CDH19: variants seen among roughly 807,000 people sequenced by gnomAD.
The protein encoded by CDH19 is cadherin-19.
In CDH19, 67 loss-of-function variants were observed where a neutral mutation model predicts 64.2. The observed-to-expected ratio is 1.04, with a 90% confidence interval of 0.86 to 1.28. The LOEUF is 1.28. CDH19 is among the 50% of genes most tolerant of loss of function. CDH19 has a pLI of 0.00. For synonymous variants in CDH19, 346 were observed against 319.3 expected (o/e 1.08, Z -0.89); for missense variants, 1,030 against 929.0 (o/e 1.11, Z -1.41).
intron 4 of CDH19, 67 bp from the exon 5 acceptor site, chr18:66,551,325 T>G: frequency 9.0e-6 from 8 of 887,418 alleles, no homozygotes; most frequent in Non-Finnish European, 1.3e-5. Flanking sequence ...GTTAATTTCT[T>G]AACCATTGCA....
At position 66,566,870 on chromosome 18, in the gene CDH19, A is replaced by G. The variant is rs112966755; in HGVS notation, c.490+1546T>C. On this transcript the variant is annotated intron_variant, in intron 3 of 11. Transcript: ENST00000262150. ...GTTCTCTGCCAAAGGGATCTCATTC[A>G]TTGCCATGCCTGACATACGTGTTAT... Among the ~76,000 whole-genome samples the G allele has an allele frequency of 1.8e-3, 277 of 151,884 alleles. 4 individuals carry two copies. The highest frequency in any genetic ancestry group is 6.4e-3 in the African/African-American group (265 of 41,478).
chr18:66,511,687 TAA>T lies in CDH19; in HGVS notation c.1459-4_1459-3del. 2.2e-6 allele frequency: 3 copies of T among 1,365,804 alleles called. No individual in the cohort carries two copies. Among genetic ancestry groups the T allele is most frequent in the Non-Finnish European group, 3.1e-6 (3 of 971,770 alleles). The allele number at this position is 1,365,804 out of a possible 1,614,324, so 84.6% of individuals were successfully genotyped here. On this transcript the variant is annotated splice_region_variant and splice_polypyrimidine_tract_variant and intron_variant, in intron 9 of 11. Transcript: ENST00000262150. ...CACTGCACTGATAGTCTGAATTACC[TAA>T]AAAAAAAGGGGGATAGATTTTTGTT...
chr18:66,556,328 T>C (rs146977755), intron 3 of CDH19, among the ~76,000 whole-genome samples: 12 of 151,814 alleles, frequency 7.9e-5, no homozygotes, highest in Admixed American at 2.6e-4. Context: ...TATAATACAA[T>C]ATTATTAACT....
intron 1 of CDH19, among the ~76,000 whole-genome samples, chr18:66,573,714 C>A (rs925192915): frequency 4.6e-5 from 7 of 151,328 alleles, no homozygotes; most frequent in African/African-American, 1.7e-4. Context: ...TTTTTGGGAA[C>A]TTTATATTAT....
intron 8 of CDH19, chr18:66,532,811 CT>C: frequency 2.3e-6 from 1 of 425,962 alleles, no homozygotes; most frequent in Non-Finnish European, 4.7e-6. Context: ...TTAAGTTGTC[CT>C]TTGGATAAAA....
Position 66,568,648 on chromosome 18 carries a change from A to G in CDH19, c.258T>C (p.Ala86=), listed in dbSNP as rs145991009. 1.9e-6 allele frequency: 3 copies of G among 1,611,254 alleles called. No individual in the cohort carries two copies. The highest frequency in any genetic ancestry group is 2.5e-6 in the Non-Finnish European group (3 of 1,178,582). Residue 86 remains alanine (A), a synonymous_variant, in exon 3 of 12, where the codon GCT becomes GCC. Coordinates refer to ENST00000262150, the MANE Select transcript of CDH19 (RefSeq NM_021153.4). The part of the protein sequence containing the change: ...SFQYKLLGAG[A]GSTFIIDERT... ...TTTCATCAATGATAAAAGTACTTCC[A>G]GCTCCAGCTCCCAAAAGCTTGTACT...
intron 7 of CDH19, among the ~76,000 whole-genome samples, chr18:66,542,105 A>G (rs1435282857): frequency 2.0e-5 from 3 of 152,144 alleles, no homozygotes; most frequent in Non-Finnish European, 4.4e-5. Context: ...ATTTTTTAAC[A>G]TTCCATATTA....
chr18:66,576,585 C>G (rs752130925), intron 1 of CDH19, among the ~76,000 whole-genome samples: 1 of 151,338 alleles, frequency 6.6e-6, no homozygotes, highest in African/African-American at 2.4e-5. Context: ...CACAACTTTT[C>G]TAAATGTTTA....
intron 9 of CDH19, among the ~76,000 whole-genome samples, chr18:66,519,229 GA>G (rs1985876854): frequency 6.6e-6 from 1 of 152,152 alleles, no homozygotes. Flanking sequence ...CTCTTTAGAA[GA>G]CAATGAACTC....
chr18:66,601,082 A>G (rs1336056389), intron 1 of CDH19, among the ~76,000 whole-genome samples: 1 of 151,768 alleles, frequency 6.6e-6, no homozygotes. Context: ...AAATTCAGAG[A>G]TGCATCTATA....
chr18:66,593,577 T>C (rs1988802849), intron 1 of CDH19, among the ~76,000 whole-genome samples: 2 of 151,982 alleles, frequency 1.3e-5, no homozygotes, highest in African/African-American at 2.4e-5. Flanking sequence ...CTACATCACA[T>C]TGTATTAAAA....
chr18:66,510,105 TC>T (rs1368192981), intron 10 of CDH19, among the ~76,000 whole-genome samples: 1 of 151,716 alleles, frequency 6.6e-6, no homozygotes, highest in Non-Finnish European at 1.5e-5. Flanking sequence ...TTTTTTACCA[TC>T]CCTCAAAATA....
intron 7 of CDH19, among the ~76,000 whole-genome samples, chr18:66,539,011 C>G (rs1316586099): frequency 6.6e-6 from 1 of 152,148 alleles, no homozygotes; most frequent in Non-Finnish European, 1.5e-5. Flanking sequence ...TAGGACTCAA[C>G]ATGTCTCTTT....
chr18:66,512,043 T>C (rs1985517478), intron 9 of CDH19, among the ~76,000 whole-genome samples: 1 of 151,606 alleles, frequency 6.6e-6, no homozygotes, highest in Non-Finnish European at 1.5e-5. Context: ...TTTATCTGAA[T>C]GTCAGACATT....
At chr18:66,508,955 C>T (rs758420270) in intron 11 of CDH19, 40 bp downstream of exon 11, 1 of 1,586,870 alleles carries the variant, frequency 6.3e-7, no homozygotes, top group South Asian at 1.1e-5. Flanking sequence ...CAAATATGAT[C>T]ATAATGCAAA....
In CDH19 at chr18:66,504,929, G is replaced by C. The variant is rs1392470134; in HGVS notation, c.2202C>G (p.Ser734Arg). Residue 734 changes from serine (S) to arginine (R), a missense_variant, in exon 12 of 12, where the codon AGC becomes AGG. By Grantham distance (110) the Ser-to-Arg change is moderately radical. Coordinates refer to ENST00000262150, the MANE Select transcript of CDH19 (RefSeq NM_021153.4). Reference sequence around the variant, plus strand: ...GATCAGAGACTGCTGATTCTAAGGAGCTCAGGGATCCAGCTAATGACCCTG... The same window carrying C: ...GATCAGAGACTGCTGATTCTAAGGACCTCAGGGATCCAGCTAATGACCCTG... ...EGTGSLAGSL[S>R]SLESAVSDQD... 2.5e-6 allele frequency: 4 copies of C among 1,613,484 alleles called. No homozygotes were observed. The highest frequency in any genetic ancestry group is 1.7e-5 in the Admixed American group (1 of 59,866).
Position 66,501,126 on chromosome 18 carries a change from A to G in CDH19, c.*3686T>C, listed in dbSNP as rs1009791295. The G allele has an allele frequency of 2.0e-5, 3 of 152,166 alleles. No homozygotes were observed. Among genetic ancestry groups the G allele is most frequent in the African/African-American group, 7.2e-5 (3 of 41,452 alleles). 9.4% of individuals were successfully genotyped at this position (152,166 alleles called of 1,614,324 possible). A position where few individuals can be genotyped will look rare whatever the true frequency, so the allele number is the denominator to read the frequency against. ...TTCCATATTAATATTCTATAAAAAT[A>G]GTCAATGGAAACCAAAAGAATTTCT... On this transcript the variant is annotated 3_prime_UTR_variant, in exon 12 of 12. Transcript: ENST00000262150.
At chr18:66,582,166 A>T (rs1306172198) in intron 1 of CDH19, among the ~76,000 whole-genome samples, 1 of 152,146 alleles carries the variant, frequency 6.6e-6, no homozygotes, top group Non-Finnish European at 1.5e-5. Flanking sequence ...TTCAAATGAC[A>T]AAATATATGT....
At position 66,554,479 on chromosome 18, in the gene CDH19, G is replaced by C; in HGVS notation, c.536C>G (p.Ser179Ter). The C allele has an allele frequency of 6.2e-7, 1 of 1,610,480 alleles. No individual in the cohort carries two copies. Among genetic ancestry groups the C allele is most frequent in the African/African-American group, 1.3e-5 (1 of 74,830 alleles). ...QVTASDADDP[S>*]SGNNARLLYS... ...GAGGAGACGAGCATTATTACCACTT[G>C]AGGGATCGTCAGCATCACTTGCTGT... is the stretch of plus-strand genomic sequence containing the variant. The change falls in exon 4 of 12, where the codon TCA (serine) becomes TGA (stop). Residue 179 changes from serine (S) to a stop codon, truncating the protein, a stop_gained. Coordinates refer to ENST00000262150, the MANE Select transcript of CDH19 (RefSeq NM_021153.4). LOFTEE classifies it high-confidence loss of function.
Sources: allele counts gnomAD v4.1 joint callset (sites outside exome capture counted in the v4.1 genomes callset), GRCh38; gene constraint gnomAD v4.1.1; transcripts MANE v1.5; gene names NCBI Gene and HGNC (gene_info 2026-07-23, HGNC 2026-07-21).